GUCY1A2: variants seen among roughly 807,000 people sequenced by gnomAD.
GUCY1A2 encodes guanylate cyclase 1 soluble subunit alpha 2, also known as guanylate cyclase soluble subunit alpha-2.
A neutral mutation model predicts 63.5 loss-of-function variants in GUCY1A2; 27 were observed. The ratio of observed to expected loss-of-function variants is 0.43; its 90% CI spans 0.31 to 0.59. GUCY1A2 has a LOEUF of 0.59. Ranked by LOEUF, GUCY1A2 falls within the 20% of genes least tolerant of loss-of-function variation. The pLI is 0.11. For missense variants in GUCY1A2, 768 were observed against 913.3 expected, an observed-to-expected ratio of 0.84 and a Z score of 2.05; for synonymous variants, 364 against 343.5, an observed-to-expected ratio of 1.06 and a Z score of -0.66.
chr11:106,822,003 T>G (rs545881562), intron 4 of GUCY1A2, among the ~76,000 whole-genome samples: 1 of 152,282 alleles, frequency 6.6e-6, no homozygotes, highest in South Asian at 2.1e-4. Context: ...GCATTAAATA[T>G]TTAAAACAAA....
chr11:106,799,281 T>G (rs1027912490), intron 5 of GUCY1A2, among the ~76,000 whole-genome samples: 4 of 152,200 alleles, frequency 2.6e-5, no homozygotes, highest in Non-Finnish European at 4.4e-5. Flanking sequence ...TCCATGCTCA[T>G]GGGTAGGACG....
chr11:106,686,595 G>A lies in GUCY1A2; in HGVS notation c.*954C>T. Reference sequence around the variant, plus strand: ...CTAACATGTCATTTAGCTGAATGCTGTTTATTAGAATGCAGTTTAGTGTTG... The same window carrying A: ...CTAACATGTCATTTAGCTGAATGCTATTTATTAGAATGCAGTTTAGTGTTG... On this transcript the variant is annotated 3_prime_UTR_variant, in exon 8 of 8. Transcript: ENST00000526355. 4.6e-6 allele frequency: 1 copy of A among 217,994 alleles called. No individual in the cohort carries two copies. Among genetic ancestry groups the A allele is most frequent in the East Asian group, 6.8e-5 (1 of 14,806 alleles). 13.5% of individuals were successfully genotyped at this position (217,994 alleles called of 1,614,324 possible).
intron 4 of GUCY1A2, among the ~76,000 whole-genome samples, chr11:106,857,240 G>C (rs949005815): frequency 6.6e-6 from 1 of 152,132 alleles, no homozygotes; most frequent in African/African-American, 2.4e-5. Flanking sequence ...TCCTGGTGAA[G>C]ACCCTCTTTC....
chr11:106,997,856 G>C (rs1861561438), intron 1 of GUCY1A2, among the ~76,000 whole-genome samples: 1 of 152,072 alleles, frequency 6.6e-6, no homozygotes, highest in Non-Finnish European at 1.5e-5. Context: ...GATAATGTAT[G>C]TGAAAAACAT....
intron 4 of GUCY1A2, among the ~76,000 whole-genome samples, chr11:106,841,442 A>T (rs1254005071): frequency 6.6e-6 from 1 of 151,894 alleles, no homozygotes; most frequent in Non-Finnish European, 1.5e-5. Flanking sequence ...ATTTGTTTTG[A>T]ATTTCTGACT....
intron 6 of GUCY1A2, among the ~76,000 whole-genome samples, chr11:106,770,269 G>A (rs1236031836): frequency 6.6e-6 from 1 of 152,050 alleles, no homozygotes. Flanking sequence ...TATGTAACGT[G>A]TTGTAAATAA....
intron 4 of GUCY1A2, among the ~76,000 whole-genome samples, chr11:106,885,872 C>T (rs1859891830): frequency 6.6e-6 from 1 of 152,146 alleles, no homozygotes; most frequent in Non-Finnish European, 1.5e-5. Context: ...TTATTGCCCA[C>T]AAAATGTGCG....
intron 6 of GUCY1A2, among the ~76,000 whole-genome samples, chr11:106,717,486 G>T (rs1026662328): frequency 1.3e-5 from 2 of 152,152 alleles, no homozygotes; most frequent in Non-Finnish European, 2.9e-5. Flanking sequence ...GTAACATTAT[G>T]AGCTAGCAAG....
At chr11:106,708,130 TCCAA>T (rs1232345923) in intron 7 of GUCY1A2, among the ~76,000 whole-genome samples, 1 of 151,886 alleles carries the variant, frequency 6.6e-6, no homozygotes, top group Non-Finnish European at 1.5e-5. Flanking sequence ...AAAAAAACAG[TCCAA>T]CCACCTTTTC....
At chr11:106,733,796 AG>A (rs1388149921) in intron 6 of GUCY1A2, among the ~76,000 whole-genome samples, 1 of 152,152 alleles carries the variant, frequency 6.6e-6, no homozygotes, top group Non-Finnish European at 1.5e-5. Flanking sequence ...GAAGCAGGCC[AG>A]GAGAAGGAAC....
chr11:106,765,202 G>T (rs1020216582), intron 6 of GUCY1A2, among the ~76,000 whole-genome samples: 1 of 151,692 alleles, frequency 6.6e-6, no homozygotes, highest in Non-Finnish European at 1.5e-5. Context: ...CCACATAGTT[G>T]GTTTTTAATG....
At chr11:106,825,490 A>C (rs1858956965) in intron 4 of GUCY1A2, among the ~76,000 whole-genome samples, 1 of 151,648 alleles carries the variant, frequency 6.6e-6, no homozygotes, top group South Asian at 2.1e-4. Context: ...ATGTTTTAAG[A>C]AAGTTTACAA....
chr11:106,716,768 CAAAAAAAAAA>C (rs56999589), intron 6 of GUCY1A2, among the ~76,000 whole-genome samples: 4 of 55,300 alleles, frequency 7.2e-5, no homozygotes, highest in African/African-American at 2.7e-4. Flanking sequence ...GACTCCGTCT[CAAAAAAAAAA>C]AAAAAAAAAA....
At position 106,916,690 on chromosome 11, in the gene GUCY1A2, G is replaced by A. The variant is rs568847126; in HGVS notation, c.1206+22770C>T. Among the ~76,000 whole-genome samples the A allele has an allele frequency of 2.8e-5, 4 of 145,426 alleles. 1 individual carries two copies. Among genetic ancestry groups the A allele is most frequent in the South Asian group, 4.8e-4 (2 of 4,168 alleles). On this transcript the variant is annotated intron_variant, in intron 4 of 7. Coordinates refer to ENST00000526355, the MANE Select transcript of GUCY1A2 (RefSeq NM_000855.3). ...AAAGAAGAATAAGTAGCCAATTAGC[G>A]TAGCAGGGTTCTGTCATGTTTTTAT...
chr11:106,827,744 T>G, intron 4 of GUCY1A2: 1 of 1,524,958 alleles, frequency 6.6e-7, no homozygotes, highest in South Asian at 1.1e-5. Flanking sequence ...AATTTGTAAC[T>G]GCTTTCATAA....
intron 6 of GUCY1A2, among the ~76,000 whole-genome samples, chr11:106,755,489 T>A (rs1863957142): frequency 6.6e-6 from 1 of 152,214 alleles, no homozygotes; most frequent in Non-Finnish European, 1.5e-5. Context: ...TATTTAGTGC[T>A]ATAAATTTCC....
At chr11:106,753,111 T>C (rs1863912369) in intron 6 of GUCY1A2, among the ~76,000 whole-genome samples, 1 of 152,242 alleles carries the variant, frequency 6.6e-6, no homozygotes, top group South Asian at 2.1e-4. Context: ...ATTTCTCTAA[T>C]GACAAGTGAT....
chr11:106,698,402 A>T (rs1862760181), intron 7 of GUCY1A2, among the ~76,000 whole-genome samples: 1 of 151,926 alleles, frequency 6.6e-6, no homozygotes, highest in Admixed American at 6.6e-5. Flanking sequence ...GATTGCAGGC[A>T]TGAGCCACTG....
At chr11:106,838,665 A>G (rs1297932609) in intron 4 of GUCY1A2, among the ~76,000 whole-genome samples, 1 of 151,684 alleles carries the variant, frequency 6.6e-6, no homozygotes, top group African/African-American at 2.4e-5. Context: ...GATTTGAAAA[A>G]TGTCATTCTA....
Sources: gnomAD v4.1 joint callset for allele counts (sites outside exome capture counted in the v4.1 genomes callset) on GRCh38, gnomAD v4.1.1 for gene constraint, MANE v1.5 for transcripts, NCBI Gene and HGNC (gene_info 2026-07-23, HGNC 2026-07-21) for gene names.